SPTLC1: variants seen among roughly 807,000 people sequenced by gnomAD.
SPTLC1 encodes serine palmitoyltransferase 1.
In SPTLC1, 55 loss-of-function variants were observed where a neutral mutation model predicts 68.9. The ratio of observed to expected loss-of-function variants is 0.80; its 90% CI spans 0.64 to 1.00. The LOEUF (loss-of-function observed/expected upper bound fraction) is 1.00. SPTLC1 is among the 50% of genes least tolerant of loss of function. The pLI, the probability that SPTLC1 is intolerant of heterozygous loss-of-function variation, is 0.00. For missense variants in SPTLC1, 449 were observed against 573.1 expected (o/e 0.78, Z 2.21); for synonymous variants, 197 against 201.6 (o/e 0.98, Z 0.19).
intron 3 of SPTLC1, chr9:92,105,274 A>G: frequency 3.9e-6 from 6 of 1,534,450 alleles, no homozygotes; most frequent in South Asian, 1.2e-5. Context: ...TTCCATGTCT[A>G]TCTCCTGAGG....
At position 92,047,658 on chromosome 9, in the gene SPTLC1, A is replaced by G; in HGVS notation, c.939T>C (p.Ser313=). Residue 313 remains serine (S), a synonymous_variant, in exon 10 of 15, where the codon TCT becomes TCC. Coordinates refer to ENST00000262554, the MANE Select transcript of SPTLC1 (RefSeq NM_006415.4). ...ACCTGCCACAGCAGAAACCTCCAAT[A>G]GAAGCAAGTGCATTCTCCATGTTGG... ...ISANMENALA[S]IGGFCCGRSF... is the part of the protein sequence containing the mutation. The G allele has an allele frequency of 6.2e-7, 1 of 1,613,958 alleles. No homozygotes were observed. Among genetic ancestry groups the G allele is most frequent in the Non-Finnish European group, 8.5e-7 (1 of 1,179,876 alleles).
At chr9:92,092,272 C>T (rs1434720111) in intron 3 of SPTLC1, among the ~76,000 whole-genome samples, 1 of 151,934 alleles carries the variant, frequency 6.6e-6, no homozygotes, top group Non-Finnish European at 1.5e-5. Context: ...ACAAGAGCAG[C>T]CAAATCATTC....
intron 5 of SPTLC1, among the ~76,000 whole-genome samples, chr9:92,071,640 G>A (rs1834495693): frequency 6.6e-6 from 1 of 152,216 alleles, no homozygotes; most frequent in Admixed American, 6.5e-5. Context: ...GGAAGTGGCA[G>A]ATCTAGGAAT....
intron 3 of SPTLC1, among the ~76,000 whole-genome samples, chr9:92,106,992 A>C (rs1323412385): frequency 6.6e-6 from 1 of 152,220 alleles, no homozygotes. Flanking sequence ...TACCATGTAA[A>C]TGGGTAGTGA....
At chr9:92,071,399 T>G (rs1056969011) in intron 5 of SPTLC1, among the ~76,000 whole-genome samples, 3 of 152,162 alleles carry the variant, frequency 2.0e-5, no homozygotes, top group African/African-American at 7.2e-5. Context: ...AAACTCCGTC[T>G]CAACCACAAC....
intron 13 of SPTLC1, among the ~76,000 whole-genome samples, chr9:92,037,752 TA>T (rs1833193401): frequency 6.6e-6 from 1 of 152,214 alleles, no homozygotes; most frequent in South Asian, 2.1e-4. Context: ...AGGTATGTTA[TA>T]AAAAGCGGTC....
chr9:92,033,448 A>G (rs1833040210), intron 14 of SPTLC1, among the ~76,000 whole-genome samples: 1 of 152,228 alleles, frequency 6.6e-6, no homozygotes, highest in Non-Finnish European at 1.5e-5. Flanking sequence ...ACACATATTT[A>G]TTGAGCTGTA....
chr9:92,104,738 A>G, intron 3 of SPTLC1: 10 of 1,532,790 alleles, frequency 6.5e-6, no homozygotes, highest in East Asian at 2.4e-5. Context: ...GGGCCCCTGT[A>G]GCAATGGGGA....
chr9:92,078,730 C>T (rs112608164), intron 5 of SPTLC1, among the ~76,000 whole-genome samples: 2,053 of 152,330 alleles, frequency 0.013, 55 homozygotes, highest in African/African-American at 0.046. Flanking sequence ...GTTAGGATTA[C>T]AGGCATGAGC....
intron 1 of SPTLC1, among the ~76,000 whole-genome samples, chr9:92,114,506 C>A (rs942326324): frequency 6.6e-6 from 1 of 152,094 alleles, no homozygotes; most frequent in Admixed American, 6.5e-5. Flanking sequence ...GAGGCCAAGG[C>A]GGGCGGATCA....
chr9:92,039,955 C>T (rs1833282299), intron 12 of SPTLC1, among the ~76,000 whole-genome samples: 1 of 152,106 alleles, frequency 6.6e-6, no homozygotes, highest in Admixed American at 6.5e-5. Context: ...TAGTTCTTTA[C>T]TAATGTAGAA....
At chr9:92,105,776 GAAGT>G (rs1835947222) in intron 3 of SPTLC1, among the ~76,000 whole-genome samples, 1 of 150,538 alleles carries the variant, frequency 6.6e-6, no homozygotes, top group Non-Finnish European at 1.5e-5. Flanking sequence ...CCCTGTCTGG[GAAGT>G]AAGGAGCGCC....
At chr9:92,054,724 C>T (rs969323110) in intron 8 of SPTLC1, among the ~76,000 whole-genome samples, 16 of 152,280 alleles carry the variant, frequency 1.1e-4, no homozygotes, top group African/African-American at 3.9e-4. Flanking sequence ...ACCATCCTAG[C>T]CGACATGGTG....
chr9:92,115,264 C>G, intron 1 of SPTLC1, 50 bp downstream of exon 1: 1 of 1,593,650 alleles, frequency 6.3e-7, no homozygotes, highest in East Asian at 2.2e-5. Context: ...GTCCTCCCAC[C>G]CTCCCCGGGC....
Position 92,080,939 on chromosome 9 carries a change from C to T in SPTLC1, c.285G>A (p.Val95=), listed in dbSNP as rs1344101805. The change falls in exon 4 of 15, where the codon GTG becomes GTA. Residue 95 remains valine (V), a synonymous_variant. Coordinates refer to ENST00000262554, the MANE Select transcript of SPTLC1 (RefSeq NM_006415.4). ...VSGPPSHKTV[V]NGKECINFAS... ...CGAAGTTTATACATTCTTTTCCATT[C>T]ACCACAGTTTTGTGGCTTGGAGGGC... 1.2e-6 allele frequency: 2 copies of T among 1,614,110 alleles called. No homozygotes were observed. Among genetic ancestry groups the T allele is most frequent in the Non-Finnish European group, 1.7e-6 (2 of 1,179,986 alleles).
intron 13 of SPTLC1, among the ~76,000 whole-genome samples, chr9:92,037,970 A>G (rs1294238442): frequency 6.6e-6 from 1 of 152,202 alleles, no homozygotes; most frequent in Non-Finnish European, 1.5e-5. Context: ...AGGAGAGGCC[A>G]AGTATATTTA....
chr9:92,084,606 G>A (rs2118706469), intron 3 of SPTLC1, among the ~76,000 whole-genome samples: 1 of 152,148 alleles, frequency 6.6e-6, no homozygotes, highest in East Asian at 1.9e-4. Context: ...TGATCATGGT[G>A]GACAAGCTTT....
intron 3 of SPTLC1, among the ~76,000 whole-genome samples, chr9:92,089,375 T>C (rs889362047): frequency 3.3e-5 from 5 of 152,286 alleles, no homozygotes; most frequent in Admixed American, 1.3e-4. Context: ...ATTGTGCCAC[T>C]GCACTCCAGC....
intron 6 of SPTLC1, among the ~76,000 whole-genome samples, chr9:92,065,958 G>A (rs1834264927): frequency 6.6e-6 from 1 of 152,100 alleles, no homozygotes; most frequent in African/African-American, 2.4e-5. Flanking sequence ...AACGGTGAGT[G>A]GTAAGCAAGA....
Sources: gnomAD v4.1 joint callset for allele counts (sites outside exome capture counted in the v4.1 genomes callset) on GRCh38, gnomAD v4.1.1 for gene constraint, MANE v1.5 for transcripts, NCBI Gene and HGNC (gene_info 2026-07-23, HGNC 2026-07-21) for gene names.